The following MGAT4C variants were observed in gnomAD, a reference collection of about 807,000 sequenced individuals.
MGAT4C encodes the protein alpha-1,3-mannosyl-glycoprotein 4-beta-N-acetylglucosaminyltransferase C.
In MGAT4C, 19 loss-of-function variants were observed where a neutral mutation model predicts 40.1. That is an observed-to-expected ratio of 0.47 (90% confidence interval 0.33 to 0.70). The LOEUF is 0.70. MGAT4C is among the 30% of genes least tolerant of loss of function. MGAT4C has a pLI of 0.02. For synonymous variants in MGAT4C, 181 were observed against 187.1 expected (o/e 0.97, Z 0.27); for missense variants, 491 against 563.2 (o/e 0.87, Z 1.30).
intron 2 of MGAT4C, among the ~76,000 whole-genome samples, chr12:86,511,441 A>T (rs1958583173): frequency 6.6e-6 from 1 of 152,164 alleles, no homozygotes; most frequent in Non-Finnish European, 1.5e-5. Context: ...TTATAAATCG[A>T]ACTGTTTTCT....
chr12:86,281,181 G>C (rs776291123), intron 4 of MGAT4C, among the ~76,000 whole-genome samples: 1 of 151,568 alleles, frequency 6.6e-6, no homozygotes, highest in African/African-American at 2.4e-5. Context: ...ATGACTTACG[G>C]TATACATCTT....
At position 86,194,560 on chromosome 12, in the gene MGAT4C, T is replaced by C. The variant is rs920273543; in HGVS notation, c.-57+61679A>G. On this transcript the variant is annotated intron_variant, in intron 1 of 4. Coordinates refer to ENST00000611864, the MANE Select transcript of MGAT4C (RefSeq NM_001351288.2). Reference sequence around the variant, plus strand: ...ACCTCCACCTCCCAGGTTTAAGCGATTCTCCTGTCTCAGCCTCCCTAGTAG... The same window carrying C: ...ACCTCCACCTCCCAGGTTTAAGCGACTCTCCTGTCTCAGCCTCCCTAGTAG... Among the ~76,000 whole-genome samples the C allele has an allele frequency of 2.6e-5, 4 of 152,028 alleles. No homozygotes were observed. In the South Asian group the frequency reaches 6.2e-4, roughly 24 times the overall value.
In MGAT4C at chr12:85,971,216, T is replaced by A. The variant is rs554329529; in HGVS notation, c.*8073A>T. On this transcript the variant is annotated 3_prime_UTR_variant, in exon 5 of 5. Coordinates refer to ENST00000611864, the MANE Select transcript of MGAT4C (RefSeq NM_001351288.2). ...ACTTTCTTCTTATAAAAGAAAATAATTTTTATGGTAACTAATTTTAGTAGT... is the reference window on the plus strand; with the variant it reads ...ACTTTCTTCTTATAAAAGAAAATAAATTTTATGGTAACTAATTTTAGTAGT... 59 of 151,348 alleles carry A rather than the reference T, an allele frequency of 3.9e-4. No homozygotes were observed. The highest frequency in any genetic ancestry group is 1.4e-3 in the African/African-American group (58 of 41,478). 9.4% of individuals were successfully genotyped at this position (151,348 alleles called of 1,614,324 possible).
Position 86,256,390 on chromosome 12 carries a change from C to A in MGAT4C, c.-208G>T, listed in dbSNP as rs558172404. On this transcript the variant is annotated 5_prime_UTR_variant, in exon 1 of 5. Coordinates refer to ENST00000611864, the MANE Select transcript of MGAT4C (RefSeq NM_001351288.2). ...CCATCATAATGGCACTGTGCTGAAACTGAACGCTACCTCAGCTGTTCTATG... is the reference window on the plus strand; with the variant it reads ...CCATCATAATGGCACTGTGCTGAAAATGAACGCTACCTCAGCTGTTCTATG... 5.3e-5 allele frequency: 8 copies of A among 152,284 alleles called. No homozygotes were observed. The East Asian group carries it at 1.5e-3, about 29-fold the overall frequency. 9.4% of individuals were successfully genotyped at this position (152,284 alleles called of 1,614,324 possible).
chr12:86,057,394 T>C (rs1893513811), intron 1 of MGAT4C, among the ~76,000 whole-genome samples: 2 of 152,182 alleles, frequency 1.3e-5, no homozygotes, highest in South Asian at 2.1e-4. Flanking sequence ...GATCCCTTTA[T>C]TGGTTTCTCA....
rs572788344 is a variant in MGAT4C at position 86,394,473 on chromosome 12, CT to C, written c.-120+40683del. On this transcript the variant is annotated intron_variant, in intron 3 of 7. Transcript: ENST00000548651. ...AATTTGGTTTAATTATATATATATA[CT>C]TTTTTATATATATACTTTATATATA... 4.4e-3 allele frequency among the ~76,000 whole-genome samples: 615 copies of C among 141,018 alleles called. 2 individuals carry two copies. Among genetic ancestry groups the C allele is most frequent in the African/African-American group, 7.5e-3 (287 of 38,254 alleles). 92.5% of individuals were successfully genotyped at this position (141,018 alleles called of 152,430 possible). A position where few individuals can be genotyped will look rare whatever the true frequency, so the allele number is the denominator to read the frequency against.
At chr12:86,280,042 T>G (rs946074206) in intron 4 of MGAT4C, among the ~76,000 whole-genome samples, 1 of 152,128 alleles carries the variant, frequency 6.6e-6, no homozygotes. Flanking sequence ...CTTTGTGATG[T>G]AACATATGGT....
intron 1 of MGAT4C, among the ~76,000 whole-genome samples, chr12:86,162,564 C>T (rs1272145236): frequency 1.3e-5 from 2 of 152,048 alleles, no homozygotes; most frequent in Non-Finnish European, 2.9e-5. Context: ...TGATGGGATT[C>T]ATAATCCAAA....
chr12:86,267,795 G>C (rs1952825340), intron 4 of MGAT4C, among the ~76,000 whole-genome samples: 1 of 152,086 alleles, frequency 6.6e-6, no homozygotes, highest in Admixed American at 6.5e-5. Flanking sequence ...CTTGATTTGG[G>C]AAGAAGTATT....
chr12:86,406,741 A>G (rs1460959090), intron 3 of MGAT4C, among the ~76,000 whole-genome samples: 4 of 152,098 alleles, frequency 2.6e-5, no homozygotes, highest in Non-Finnish European at 5.9e-5. Context: ...TGCAAATGCT[A>G]TATAACTCAG....
intron 3 of MGAT4C, among the ~76,000 whole-genome samples, chr12:86,430,788 A>G (rs1019723160): frequency 6.6e-6 from 1 of 152,170 alleles, no homozygotes; most frequent in Non-Finnish European, 1.5e-5. Context: ...TCTCCCTGTC[A>G]ATATGGAGCC....
At chr12:86,655,407 A>G (rs769781613) in intron 2 of MGAT4C, among the ~76,000 whole-genome samples, 16 of 152,094 alleles carry the variant, frequency 1.1e-4, no homozygotes, top group Non-Finnish European at 2.4e-4. Flanking sequence ...GGACACTACA[A>G]GTATTTTGAT....
Position 86,523,282 on chromosome 12 carries a change from G to A in MGAT4C, c.-228-88017C>T, listed in dbSNP as rs76040529. Among the ~76,000 whole-genome samples, 505 of 152,112 alleles carry A rather than the reference G, an allele frequency of 3.3e-3. 1 individual carries two copies. Among genetic ancestry groups the A allele is most frequent in the African/African-American group, 0.012 (488 of 41,530 alleles). On this transcript the variant is annotated intron_variant, in intron 2 of 7. Transcript: ENST00000548651. ...TTTGCTGTTTCTCAGAGATTCTAGT[G>A]TCTTGTATCTTTGTTCTCATTAGTT... is the stretch of plus-strand genomic sequence containing the variant.
chr12:86,383,380 C>G (rs951612386), intron 3 of MGAT4C, among the ~76,000 whole-genome samples: 7 of 151,732 alleles, frequency 4.6e-5, no homozygotes, highest in Non-Finnish European at 8.8e-5. Flanking sequence ...GGTGAAACCC[C>G]ATCTCTACTA....
At chr12:86,653,880 CA>C (rs1168505594) in intron 2 of MGAT4C, among the ~76,000 whole-genome samples, 1 of 151,670 alleles carries the variant, frequency 6.6e-6, no homozygotes, top group African/African-American at 2.4e-5. Context: ...TTTTAAAGGA[CA>C]TTTTTCTCAT....
intron 1 of MGAT4C, among the ~76,000 whole-genome samples, chr12:86,191,004 T>G (rs1343558105): frequency 6.6e-6 from 1 of 151,714 alleles, no homozygotes; most frequent in African/African-American, 2.4e-5. Context: ...GTTTCCAGCC[T>G]GCTGGCCCGC....
intron 2 of MGAT4C, among the ~76,000 whole-genome samples, chr12:86,689,289 C>T (rs563398391): frequency 3.9e-5 from 6 of 152,188 alleles, no homozygotes; most frequent in East Asian, 1.9e-4. Context: ...GGTTAGAACA[C>T]GCTCCTTTAG....
At chr12:86,364,000 A>G (rs1239084958) in intron 3 of MGAT4C, among the ~76,000 whole-genome samples, 1 of 151,892 alleles carries the variant, frequency 6.6e-6, no homozygotes, top group Admixed American at 6.6e-5. Context: ...ACAGAGACAC[A>G]AACACACACA....
chr12:86,145,962 G>A (rs1050424253), intron 1 of MGAT4C, among the ~76,000 whole-genome samples: 1 of 151,948 alleles, frequency 6.6e-6, no homozygotes, highest in Admixed American at 6.6e-5. Flanking sequence ...AAAATTAGCA[G>A]ATCAAACATT....
Sources: gnomAD v4.1 joint callset for allele counts (sites outside exome capture counted in the v4.1 genomes callset) on GRCh38, gnomAD v4.1.1 for gene constraint, MANE v1.5 for transcripts, NCBI Gene and HGNC (gene_info 2026-07-23, HGNC 2026-07-21) for gene names.